FGFBP3: variants seen among roughly 807,000 people sequenced by gnomAD.
The protein encoded by FGFBP3 is fibroblast growth factor-binding protein 3.
Under a neutral mutation model 4.8 loss-of-function variants are expected in FGFBP3, and 4 were observed. The observed-to-expected ratio is 0.83, with a 90% confidence interval of 0.41 to 1.90. FGFBP3 has a LOEUF of 1.90. Ranked by LOEUF, FGFBP3 falls within the 40% of genes most tolerant of loss-of-function variation. FGFBP3 has a pLI of 0.03. For missense variants in FGFBP3, 429 were observed against 397.4 expected, an observed-to-expected ratio of 1.08 and a Z score of -0.68; for synonymous variants, 215 against 190.0, an observed-to-expected ratio of 1.13 and a Z score of -1.08.
At position 91,908,326 on chromosome 10, in the gene FGFBP3, G is replaced by A. The variant is rs1339375556; in HGVS notation, c.644C>T (p.Pro215Leu). Residue 215 changes from proline (P) to leucine (L), a missense_variant, in exon 2 of 2, where the codon CCC becomes CTC. Coordinates refer to ENST00000311575, the MANE Select transcript of FGFBP3 (RefSeq NM_152429.5). The stretch of plus-strand genomic sequence containing the variant: ...GGTCCCCATGGGTCGCTCCTCGTTG[G>A]GGACCAAGGCCGCCTTCCTCTTGCC... ...NEGKRKAALV[P>L]NEERPMGTGP... The A allele has an allele frequency of 6.3e-7, 1 of 1,599,264 alleles. No homozygotes were observed.
chr10:91,909,190 A>G (rs1259757645), intron 1 of FGFBP3, 143 bp from the exon 2 acceptor site: 4 of 532,952 alleles, frequency 7.5e-6, no homozygotes, highest in Non-Finnish European at 9.7e-6. Context: ...TCCTGGGGAA[A>G]CTGCTTACTG....
intron 1 of FGFBP3, 152 bp from the exon 2 acceptor site, chr10:91,909,199 T>G (rs1843328370): frequency 3.8e-6 from 2 of 528,926 alleles, no homozygotes; most frequent in Non-Finnish European, 6.5e-6. Context: ...AACTGCTTAC[T>G]GTCTAAATAA....
At position 91,908,690 on chromosome 10, in the gene FGFBP3, C is replaced by G. The variant is rs1044344783; in HGVS notation, c.280G>C (p.Gly94Arg). Residue 94 changes from glycine (G) to arginine (R), a missense_variant, in exon 2 of 2, where the codon GGG becomes CGG. Transcript: ENST00000311575. Reference sequence around the variant, plus strand: ...TAGGCTGCGCAGCGCTCCGGATGCCCGCGGTAGGCGCACTGGTGGCGCGCC... The same window carrying G: ...TAGGCTGCGCAGCGCTCCGGATGCCGGCGGTAGGCGCACTGGTGGCGCGCC... The part of the protein sequence containing the change: ...DGARHQCAYR[G>R]HPERCAAYAA... 2 of 1,415,418 alleles carry G rather than the reference C, an allele frequency of 1.4e-6. No homozygotes were observed. Among genetic ancestry groups the G allele is most frequent in the South Asian group, 1.5e-5 (1 of 67,624 alleles). The allele number at this position is 1,415,418 out of a possible 1,614,324, so 87.7% of individuals were successfully genotyped here.
chr10:91,908,372 A>G lies in FGFBP3; in HGVS notation c.598T>C (p.Ser200Pro). 6.3e-7 allele frequency: 1 copy of G among 1,575,754 alleles called. No homozygotes were observed. The highest frequency in any genetic ancestry group is 1.2e-5 in the South Asian group (1 of 86,114). ...TTGCCCTCGTTGGTCTTCCTCTCTGAGGGGTTTTCTTTGGGCGGTGCGCTT... is the reference window on the plus strand; with the variant it reads ...TTGCCCTCGTTGGTCTTCCTCTCTGGGGGGTTTTCTTTGGGCGGTGCGCTT... ...PQSAPPKENPSERKTNEGKRK... is the reference protein window; with the variant it reads ...PQSAPPKENPPERKTNEGKRK... Residue 200 changes from serine (S) to proline (P), a missense_variant, in exon 2 of 2, where the codon TCA becomes CCA. Transcript: ENST00000311575.
At position 91,908,384 on chromosome 10, in the gene FGFBP3, T is replaced by C. The variant is rs375841530; in HGVS notation, c.586A>G (p.Lys196Glu). ...GTCTTCCTCTCTGAGGGGTTTTCTT[T>C]GGGCGGTGCGCTTTGGGGAGGCGGG... Reference protein sequence around the residue: ...GTPPPQSAPPKENPSERKTNE... With the variant: ...GTPPPQSAPPEENPSERKTNE... The change falls in exon 2 of 2, where the codon AAA becomes GAA. Residue 196 changes from lysine (K) to glutamate (E), a missense_variant. Physicochemically the swap from Lys to Glu is moderately conservative, Grantham distance 56 (BLOSUM62 1). Transcript: ENST00000311575. The C allele has an allele frequency of 2.6e-6, 4 of 1,562,018 alleles. No homozygotes were observed. Among genetic ancestry groups the C allele is most frequent in the African/African-American group, 2.8e-5 (2 of 70,780 alleles).
rs1843319647 is a variant in FGFBP3 at position 91,908,599 on chromosome 10, C to T, written c.371G>A (p.Cys124Tyr). The T allele has an allele frequency of 1.1e-5, 16 of 1,425,684 alleles. No individual in the cohort carries two copies. Among genetic ancestry groups the T allele is most frequent in the African/African-American group, 6.0e-5 (4 of 66,766 alleles). 88.3% of individuals were successfully genotyped at this position (1,425,684 alleles called of 1,614,324 possible). A position where few individuals can be genotyped will look rare whatever the true frequency, so the allele number is the denominator to read the frequency against. The change falls in exon 2 of 2, where the codon TGT becomes TAT. Residue 124 changes from cysteine to tyrosine, a missense_variant. Transcript: ENST00000311575. The part of the protein sequence containing the change: ...LGGLRKKRRP[C>Y]HDPAPLQARL... ...GGCCTGGAGCGGCGCGGGGTCGTGACAGGGCCTCCGCTTCTTGCGCAGCCC... is the reference window on the plus strand; with the variant it reads ...GGCCTGGAGCGGCGCGGGGTCGTGATAGGGCCTCCGCTTCTTGCGCAGCCC...
Position 91,908,433 on chromosome 10 carries a change from A to G in FGFBP3, c.537T>C (p.Arg179=). The change falls in exon 2 of 2, where the codon CGT becomes CGC. Residue 179 remains arginine, a synonymous_variant. Transcript: ENST00000311575. ...GGGTCCCAGCGGCTGGGCCGGACGC[A>G]CGCTCCCGGGTCCGCCCCCGGTTCC... ...RARNRGRTRE[R]ASGPAAGTPP... 3.3e-6 allele frequency: 5 copies of G among 1,502,476 alleles called. No individual in the cohort carries two copies. The highest frequency in any genetic ancestry group is 4.4e-6 in the Non-Finnish European group (5 of 1,132,400). 93.1% of individuals were successfully genotyped at this position (1,502,476 alleles called of 1,614,324 possible).
chr10:91,909,052 G>A lies in FGFBP3; in HGVS notation c.-78-5C>T. On this transcript the variant is annotated splice_region_variant and splice_polypyrimidine_tract_variant and intron_variant, in intron 1 of 1. Coordinates refer to ENST00000311575, the MANE Select transcript of FGFBP3 (RefSeq NM_152429.5). ...GCAAAGAGCATTCCCCAGGACCTGC[G>A]GACAGAGGCAGAGACTGCCACCAAC... 6.9e-7 allele frequency: 1 copy of A among 1,448,246 alleles called. No individual in the cohort carries two copies. Among genetic ancestry groups the A allele is most frequent in the Non-Finnish European group, 9.1e-7 (1 of 1,093,754 alleles). 89.7% of individuals were successfully genotyped at this position (1,448,246 alleles called of 1,614,324 possible). A position where few individuals can be genotyped will look rare whatever the true frequency, so the allele number is the denominator to read the frequency against.
chr10:91,908,475 C>T lies in FGFBP3; in HGVS notation c.495G>A (p.Glu165=). ...ARPTVAGFAG[E]SKPRARNRGR... is the part of the protein sequence containing the mutation. ...CCCGGTTCCGGGCCCGGGGCTTGGA[C>T]TCCCCCGCGAATCCCGCGACGGTGG... is the stretch of plus-strand genomic sequence containing the variant. Residue 165 remains glutamate (E), a synonymous_variant, in exon 2 of 2, where the codon GAG becomes GAA. Transcript: ENST00000311575. 1 of 1,414,852 alleles carries T rather than the reference C, an allele frequency of 7.1e-7. No homozygotes were observed. Among genetic ancestry groups the T allele is most frequent in the Non-Finnish European group, 9.2e-7 (1 of 1,089,898 alleles). 87.6% of individuals were successfully genotyped at this position (1,414,852 alleles called of 1,614,324 possible). A position where few individuals can be genotyped will look rare whatever the true frequency, so the allele number is the denominator to read the frequency against.
chr10:91,907,832 A>C lies in FGFBP3; in HGVS notation c.*361T>G. ...CATTGCATCCCCCTCCCCACATGGG[A>C]CTCACATCACTTTAGTCACTCTATC... is the stretch of plus-strand genomic sequence containing the variant. On this transcript the variant is annotated 3_prime_UTR_variant, in exon 2 of 2. Transcript: ENST00000311575. The C allele has an allele frequency of 3.4e-5, 7 of 204,636 alleles. No individual in the cohort carries two copies. The highest frequency in any genetic ancestry group is 1.3e-4 in the East Asian group (1 of 7,654). 12.7% of individuals were successfully genotyped at this position (204,636 alleles called of 1,614,324 possible).
rs1843322531 is a variant in FGFBP3, at chr10:91,908,718, GT to G, written c.251del (p.Asp84AlafsTer64). 7.2e-7 allele frequency: 1 copy of G among 1,379,874 alleles called. No homozygotes were observed. The highest frequency in any genetic ancestry group is 9.3e-7 in the Non-Finnish European group (1 of 1,075,788). 85.5% of individuals were successfully genotyped at this position (1,379,874 alleles called of 1,614,324 possible). ...GGTAGGCGCACTGGTGGCGCGCCCC[GT>G]CCGGGCTCTGGCAGCGCAGCGCCAG... is the stretch of plus-strand genomic sequence containing the variant. ...SELALRCQSP[D>X]GARHQCAYRG... On this transcript the variant is annotated frameshift_variant, in exon 2 of 2. Coordinates refer to ENST00000311575, the MANE Select transcript of FGFBP3 (RefSeq NM_152429.5). LOFTEE classifies it low-confidence loss of function (END_TRUNC).
chr10:91,908,462 C>T lies in FGFBP3; in HGVS notation c.508G>A (p.Ala170Thr). The T allele has an allele frequency of 1.4e-6, 2 of 1,447,268 alleles. No individual in the cohort carries two copies. Among genetic ancestry groups the T allele is most frequent in the South Asian group, 2.9e-5 (2 of 67,800 alleles). The allele number at this position is 1,447,268 out of a possible 1,614,324, so 89.7% of individuals were successfully genotyped here. Residue 170 changes from alanine to threonine, a missense_variant, in exon 2 of 2, where the codon GCC becomes ACC. Physicochemically the swap from Ala to Thr is moderately conservative, Grantham distance 58. Coordinates refer to ENST00000311575, the MANE Select transcript of FGFBP3 (RefSeq NM_152429.5). Reference sequence around the variant, plus strand: ...TCCCGGGTCCGCCCCCGGTTCCGGGCCCGGGGCTTGGACTCCCCCGCGAAT... The same window carrying T: ...TCCCGGGTCCGCCCCCGGTTCCGGGTCCGGGGCTTGGACTCCCCCGCGAAT... ...AGFAGESKPR[A>T]RNRGRTRERA...
At position 91,908,848 on chromosome 10, in the gene FGFBP3, G is replaced by A. The variant is rs965185435; in HGVS notation, c.122C>T (p.Pro41Leu). The A allele has an allele frequency of 1.2e-5, 18 of 1,548,058 alleles. No homozygotes were observed. The highest frequency in any genetic ancestry group is 2.7e-5 in the African/African-American group (2 of 72,834). Residue 41 changes from proline to leucine, a missense_variant, in exon 2 of 2, where the codon CCC (proline) becomes CTC (leucine). Coordinates refer to ENST00000311575, the MANE Select transcript of FGFBP3 (RefSeq NM_152429.5). ...ACCCGAGGAGCCGCCAGTGGGCCCG[G>A]GGACCGGCTCCGCCACGTTGCTAGC... is the stretch of plus-strand genomic sequence containing the variant. Reference protein sequence around the residue: ...GAASNVAEPVPGPTGGSSGRF... With the variant: ...GAASNVAEPVLGPTGGSSGRF...
Position 91,909,003 on chromosome 10 carries a change from CCACGT to C in FGFBP3, c.-39_-35del. The C allele has an allele frequency of 6.5e-7, 1 of 1,540,978 alleles. No homozygotes were observed. The highest frequency in any genetic ancestry group is 8.7e-7 in the Non-Finnish European group (1 of 1,146,134). ...GTTTCCGCGCTCCGCTGTTCTCAGA[CCACGT>C]TTGTCGGGGCTGGACCAGGCAAAGA... On this transcript the variant is annotated 5_prime_UTR_variant, in exon 2 of 2. Coordinates refer to ENST00000311575, the MANE Select transcript of FGFBP3 (RefSeq NM_152429.5).
Position 91,908,295 on chromosome 10 carries a change from G to A in FGFBP3, c.675C>T (p.Pro225=), listed in dbSNP as rs1188390375. 8.7e-6 allele frequency: 14 copies of A among 1,603,700 alleles called. No homozygotes were observed. The highest frequency in any genetic ancestry group is 1.1e-5 in the Non-Finnish European group (13 of 1,175,280). ...CGTTCCCGTCCAGCCCGTCGGGGTC[G>A]GGCCCGGTCCCCATGGGTCGCTCCT... ...PNEERPMGTG[P]DPDGLDGNAE... The change falls in exon 2 of 2, where the codon CCC becomes CCT. Residue 225 remains proline, a synonymous_variant. Coordinates refer to ENST00000311575, the MANE Select transcript of FGFBP3 (RefSeq NM_152429.5).
At position 91,907,927 on chromosome 10, in the gene FGFBP3, T is replaced by C; in HGVS notation, c.*266A>G. 1 of 431,330 alleles carries C rather than the reference T, an allele frequency of 2.3e-6. No homozygotes were observed. Among genetic ancestry groups the C allele is most frequent in the Non-Finnish European group, 4.1e-6 (1 of 246,172 alleles). The allele number at this position is 431,330 out of a possible 1,614,324, so 26.7% of individuals were successfully genotyped here. On this transcript the variant is annotated 3_prime_UTR_variant, in exon 2 of 2. Transcript: ENST00000311575. ...GTCTCCAGTTTTTGCACATTTAAAG[T>C]ACGCCTATTTCTGTTTCCATTATTT...
chr10:91,909,128 T>C lies in FGFBP3; in HGVS notation c.-78-81A>G, dbSNP rs374481257. 17 of 749,842 alleles carry C rather than the reference T, an allele frequency of 2.3e-5. No individual in the cohort carries two copies. The African/African-American group carries it at 2.4e-4, about 11-fold the overall frequency. 46.4% of individuals were successfully genotyped at this position (749,842 alleles called of 1,614,324 possible). A position where few individuals can be genotyped will look rare whatever the true frequency, so the allele number is the denominator to read the frequency against. ...GACACATGCACCTGCGAACTACTCTTCCGCAGACTTTCTAGAATCTGCAGC... is the reference window on the plus strand; with the variant it reads ...GACACATGCACCTGCGAACTACTCTCCCGCAGACTTTCTAGAATCTGCAGC... On this transcript the variant is annotated intron_variant, in intron 1 of 1. Transcript: ENST00000311575.
chr10:91,908,201 T>G lies in FGFBP3; in HGVS notation c.769A>C (p.Asn257His), dbSNP rs1243070938. Residue 257 changes from asparagine (N) to histidine (H), a missense_variant, in exon 2 of 2, where the codon AAC (asparagine) becomes CAC (histidine). Physicochemically the swap from Asn to His is moderately conservative, Grantham distance 68. Transcript: ENST00000311575. ...SLCNFFVNFW[N>H]G ...TAAGCCGGCAGGCAGTCTCAGCCGT[T>G]CCAGAAATTGACAAAGAAGTTGCAG... 6.3e-7 allele frequency: 1 copy of G among 1,596,228 alleles called. No individual in the cohort carries two copies. Among genetic ancestry groups the G allele is most frequent in the Admixed American group, 1.7e-5 (1 of 57,750 alleles).
At chr10:91,909,199 T>C in intron 1 of FGFBP3, 152 bp from the exon 2 acceptor site, 1 of 528,926 alleles carries the variant, frequency 1.9e-6, no homozygotes, top group Admixed American at 4.2e-5. Flanking sequence ...AACTGCTTAC[T>C]GTCTAAATAA....
Sources: gnomAD v4.1 joint callset for allele counts on GRCh38, gnomAD v4.1.1 for gene constraint, MANE v1.5 for transcripts, NCBI Gene and HGNC (gene_info 2026-07-23, HGNC 2026-07-21) for gene names.